Variants in FLRT2 observed in about 807,000 individuals in gnomAD.
FLRT2 encodes fibronectin leucine rich transmembrane protein 2, also known as leucine-rich repeat transmembrane protein FLRT2.
A neutral mutation model predicts 40.0 loss-of-function variants in FLRT2; 15 were observed. The ratio of observed to expected loss-of-function variants is 0.38; its 90% CI spans 0.25 to 0.58. FLRT2 has a LOEUF of 0.58. FLRT2 is among the 20% of genes least tolerant of loss of function. FLRT2 has a pLI of 0.71. For missense variants in FLRT2, 726 were observed against 840.0 expected, an observed-to-expected ratio of 0.86 and a Z score of 1.68; for synonymous variants, 380 against 336.8, an observed-to-expected ratio of 1.13 and a Z score of -1.41.
chr14:85,618,447 T>G (rs1893230896), intron 1 of FLRT2, among the ~76,000 whole-genome samples: 1 of 152,158 alleles, frequency 6.6e-6, no homozygotes, highest in Non-Finnish European at 1.5e-5. Context: ...CACCAAACTG[T>G]TTTTTATTCT....
intron 1 of FLRT2, among the ~76,000 whole-genome samples, chr14:85,603,473 GGATGA>G (rs1344393111): frequency 3.3e-5 from 5 of 152,200 alleles, no homozygotes; most frequent in African/African-American, 1.2e-4. Flanking sequence ...TTTCTGATAA[GGATGA>G]GATAAGGTCA....
At chr14:85,557,888 T>C (rs2139838341) in intron 1 of FLRT2, among the ~76,000 whole-genome samples, 1 of 152,318 alleles carries the variant, frequency 6.6e-6, no homozygotes, top group African/African-American at 2.4e-5. Flanking sequence ...AGAGCTACTT[T>C]GCTTATGTCG....
rs1245911277 is a variant in FLRT2, at chr14:85,634,746, A to G, written c.*11249A>G. On this transcript the variant is annotated 3_prime_UTR_variant, in exon 2 of 2. Transcript: ENST00000330753. ...ATACTGCACAGTGCCTGACACATATAAAGTGCTCAATAAATGCCAGCTACT... is the reference window on the plus strand; with the variant it reads ...ATACTGCACAGTGCCTGACACATATGAAGTGCTCAATAAATGCCAGCTACT... 6.6e-6 allele frequency: 1 copy of G among 152,200 alleles called. No homozygotes were observed. The highest frequency in any genetic ancestry group is 6.5e-5 in the Admixed American group (1 of 15,272). The allele number at this position is 152,200 out of a possible 1,614,324, so 9.4% of individuals were successfully genotyped here.
rs1893934052 is a variant in FLRT2, at chr14:85,633,611, C to T, written c.*10114C>T. The T allele has an allele frequency of 6.8e-6, 1 of 147,642 alleles. No homozygotes were observed. The highest frequency in any genetic ancestry group is 6.8e-5 in the Admixed American group (1 of 14,624). 9.1% of individuals were successfully genotyped at this position (147,642 alleles called of 1,614,324 possible). A position where few individuals can be genotyped will look rare whatever the true frequency, so the allele number is the denominator to read the frequency against. On this transcript the variant is annotated 3_prime_UTR_variant, in exon 2 of 2. Coordinates refer to ENST00000330753, the MANE Select transcript of FLRT2 (RefSeq NM_013231.6). The stretch of plus-strand genomic sequence containing the variant: ...GTCAGGATTTCCAGACCAGCCTGGG[C>T]AATGCAGTGAGACCCTATCTCTAAA...
At position 85,627,041 on chromosome 14, in the gene FLRT2, T is replaced by C. The variant is rs17094455; in HGVS notation, c.*3544T>C. 8,906 of 167,138 alleles carry C rather than the reference T, an allele frequency of 0.053. 414 individuals are homozygous for C. The highest frequency in any genetic ancestry group is 0.13 in the African/African-American group (5,248 of 41,562). 10.4% of individuals were successfully genotyped at this position (167,138 alleles called of 1,614,324 possible). On this transcript the variant is annotated 3_prime_UTR_variant, in exon 2 of 2. Transcript: ENST00000330753. ...GATGCTTCACTTGATCTCCGGACCT[T>C]GGCTGCAGAGGCCATCGCAGCTTTT...
chr14:85,568,616 G>A (rs1890743096), intron 1 of FLRT2, among the ~76,000 whole-genome samples: 1 of 152,056 alleles, frequency 6.6e-6, no homozygotes, highest in African/African-American at 2.4e-5. Flanking sequence ...TGTTGTTGTT[G>A]TTGTTCTTTT....
chr14:85,611,917 C>CGTGTGTGTGTGTGT lies in FLRT2; in HGVS notation c.-376-9189_-376-9176dup, dbSNP rs71120529. 8.6e-4 allele frequency among the ~76,000 whole-genome samples: 112 copies of CGTGTGTGTGTGTGT among 130,948 alleles called. 1 individual carries two copies. The highest frequency in any genetic ancestry group is 1.3e-3 in the Non-Finnish European group (78 of 61,784). 85.9% of individuals were successfully genotyped at this position (130,948 alleles called of 152,430 possible). A position where few individuals can be genotyped will look rare whatever the true frequency, so the allele number is the denominator to read the frequency against. Reference sequence around the variant, plus strand: ...GAGAGAGAGCGCGCGTGCGCGAAAGCGTGTGTGTGTGTGTGTGTGTGTGTG... The same window carrying CGTGTGTGTGTGTGT: ...GAGAGAGAGCGCGCGTGCGCGAAAGCGTGTGTGTGTGTGTGTGTGTGTGTGTGTGTGTGTGTGTG... On this transcript the variant is annotated intron_variant, in intron 1 of 1. Coordinates refer to ENST00000330753, the MANE Select transcript of FLRT2 (RefSeq NM_013231.6).
At chr14:85,552,494 T>A (rs1889696278) in intron 1 of FLRT2, among the ~76,000 whole-genome samples, 3 of 152,256 alleles carry the variant, frequency 2.0e-5, no homozygotes, top group Admixed American at 6.5e-5. Flanking sequence ...AAAGTTAAGG[T>A]GAGTATCACT....
rs924988684 is a variant in FLRT2, at chr14:85,645,851, C to T, written c.*22354C>T. 6.6e-6 allele frequency: 1 copy of T among 152,072 alleles called. No homozygotes were observed. Among genetic ancestry groups the T allele is most frequent in the African/African-American group, 2.4e-5 (1 of 41,406 alleles). The allele number at this position is 152,072 out of a possible 1,614,324, so 9.4% of individuals were successfully genotyped here. The stretch of plus-strand genomic sequence containing the variant: ...AACAACATAGTTCATTTGGTAGAGT[C>T]AATACTGAGTACCTAAGAGCCCAAT... On this transcript the variant is annotated 3_prime_UTR_variant, in exon 2 of 2. Transcript: ENST00000330753.
At position 85,622,602 on chromosome 14, in the gene FLRT2, C is replaced by G. The variant is rs147368086; in HGVS notation, c.1088C>G (p.Thr363Arg). ...LNMNLLSCPT[T>R]TPGLPLFTPA... ...ATGAATCTTTTGTCCTGTCCCACCA[C>G]GACCCCCGGCCTGCCTCTCTTCACC... The change falls in exon 2 of 2, where the codon ACG (threonine) becomes AGG (arginine). Residue 363 changes from threonine to arginine, a missense_variant. By Grantham distance (71) the Thr-to-Arg change is moderately conservative. Coordinates refer to ENST00000330753, the MANE Select transcript of FLRT2 (RefSeq NM_013231.6). 9 of 1,613,432 alleles carry G rather than the reference C, an allele frequency of 5.6e-6. No homozygotes were observed. In the East Asian group the frequency reaches 1.1e-4, roughly 20 times the overall value.
Position 85,623,448 on chromosome 14 carries a change from T to G in FLRT2, c.1934T>G (p.Met645Arg), listed in dbSNP as rs769099462. ...ACAGACTGCCATATCCCCAACAACA[T>G]GCGATACTGCAACAGCAGCGTGCCA... is the stretch of plus-strand genomic sequence containing the variant. ...NYTDCHIPNN[M>R]RYCNSSVPDL... is the part of the protein sequence containing the mutation. Residue 645 changes from methionine (M) to arginine (R), a missense_variant, in exon 2 of 2, where the codon ATG (methionine) becomes AGG (arginine). This residue lies in a region of FLRT2 where 611 missense variants were observed against 690.0 expected (regional missense o/e 0.89). Coordinates refer to ENST00000330753, the MANE Select transcript of FLRT2 (RefSeq NM_013231.6). 1 of 1,469,922 alleles carries G rather than the reference T, an allele frequency of 6.8e-7. No homozygotes were observed. Among genetic ancestry groups the G allele is most frequent in the East Asian group, 2.4e-5 (1 of 41,752 alleles). The allele number at this position is 1,469,922 out of a possible 1,614,324, so 91.1% of individuals were successfully genotyped here.
rs1894199468 is a variant in FLRT2 at position 85,643,297 on chromosome 14, TTCTTTC to T, written c.*19802_*19807del. 2.2e-5 allele frequency: 2 copies of T among 89,006 alleles called. No individual in the cohort carries two copies. The highest frequency in any genetic ancestry group is 5.8e-5 in the African/African-American group (1 of 17,118). The allele number at this position is 89,006 out of a possible 1,614,324, so 5.5% of individuals were successfully genotyped here. ...TTCAGAGGGTATTTCTTTTTTTTCT[TTCTTTC>T]TTTCTTTCTTTCTTTCTTTCTTTCT... On this transcript the variant is annotated 3_prime_UTR_variant, in exon 2 of 2. Coordinates refer to ENST00000330753, the MANE Select transcript of FLRT2 (RefSeq NM_013231.6).
intron 1 of FLRT2, among the ~76,000 whole-genome samples, chr14:85,580,074 T>G (rs1037667880): frequency 6.6e-6 from 1 of 152,080 alleles, no homozygotes; most frequent in Non-Finnish European, 1.5e-5. Flanking sequence ...TTTCTTTCTG[T>G]TTTTAGTTGC....
chr14:85,640,509 C>T lies in FLRT2; in HGVS notation c.*17012C>T, dbSNP rs1453864493. 1 of 152,140 alleles carries T rather than the reference C, an allele frequency of 6.6e-6. No homozygotes were observed. Among genetic ancestry groups the T allele is most frequent in the African/African-American group, 2.4e-5 (1 of 41,436 alleles). The allele number at this position is 152,140 out of a possible 1,614,324, so 9.4% of individuals were successfully genotyped here. ...TCATAGGAAAGCCACTGGGAGCCTT[C>T]TGGGAGCCAGAAGCAAATTAGGAGA... is the stretch of plus-strand genomic sequence containing the variant. On this transcript the variant is annotated 3_prime_UTR_variant, in exon 2 of 2. Transcript: ENST00000330753.
intron 1 of FLRT2, among the ~76,000 whole-genome samples, chr14:85,576,645 A>G (rs1045693093): frequency 6.6e-6 from 1 of 152,142 alleles, no homozygotes; most frequent in African/African-American, 2.4e-5. Flanking sequence ...GGCAGTACAC[A>G]CTGGTTGGAC....
intron 1 of FLRT2, among the ~76,000 whole-genome samples, chr14:85,617,306 T>C (rs1893180249): frequency 6.6e-6 from 1 of 152,242 alleles, no homozygotes; most frequent in Non-Finnish European, 1.5e-5. Context: ...TCAGCATTAT[T>C]ATGTTCTTGC....
At chr14:85,593,896 G>A (rs886934184) in intron 1 of FLRT2, among the ~76,000 whole-genome samples, 3 of 152,056 alleles carry the variant, frequency 2.0e-5, no homozygotes, top group African/African-American at 7.2e-5. Flanking sequence ...ATAAAAATTA[G>A]CCAGGTGTGG....
intron 1 of FLRT2, among the ~76,000 whole-genome samples, chr14:85,580,653 G>A (rs1276162453): frequency 1.3e-5 from 2 of 152,172 alleles, no homozygotes; most frequent in Non-Finnish European, 2.9e-5. Flanking sequence ...ACACTTATTA[G>A]GACATATTCC....
chr14:85,589,031 C>G (rs1162046755), intron 1 of FLRT2, among the ~76,000 whole-genome samples: 1 of 152,138 alleles, frequency 6.6e-6, no homozygotes, highest in Non-Finnish European at 1.5e-5. Flanking sequence ...CTTTCCAAAT[C>G]TTGGCTATTG....
Sources: allele counts gnomAD v4.1 joint callset (sites outside exome capture counted in the v4.1 genomes callset), GRCh38; gene constraint gnomAD v4.1.1; regional missense constraint gnomAD v4.1.1; transcripts MANE v1.5; gene names NCBI Gene and HGNC (gene_info 2026-07-23, HGNC 2026-07-21).